The following KIF18A variants were observed in gnomAD, a reference collection of about 807,000 sequenced individuals.
KIF18A encodes the protein kinesin-like protein KIF18A.
Under a neutral mutation model 103.3 loss-of-function variants are expected in KIF18A, and 67 were observed. That is an observed-to-expected ratio of 0.65 (90% confidence interval 0.53 to 0.79). The LOEUF (loss-of-function observed/expected upper bound fraction) is 0.79. Ranked by LOEUF, KIF18A falls within the 30% of genes least tolerant of loss-of-function variation. KIF18A has a pLI of 0.00. For synonymous variants in KIF18A, 367 were observed against 355.5 expected (o/e 1.03, Z -0.36); for missense variants, 1,032 against 1,062.5 (o/e 0.97, Z 0.40).
chr11:28,071,060 C>A (rs747284621), intron 10 of KIF18A, among the ~76,000 whole-genome samples: 2 of 151,992 alleles, frequency 1.3e-5, no homozygotes, highest in African/African-American at 2.4e-5. Flanking sequence ...CAAAGTGAGA[C>A]CCTGACAGCA....
At chr11:28,027,362 T>C (rs937183914) in intron 15 of KIF18A, among the ~76,000 whole-genome samples, 1 of 151,904 alleles carries the variant, frequency 6.6e-6, no homozygotes, top group African/African-American at 2.4e-5. Flanking sequence ...TAGTTTTTAG[T>C]TGTTTTACTA....
chr11:28,100,639 G>C lies in KIF18A; in HGVS notation c.-46-2646C>G, dbSNP rs116236650. The stretch of plus-strand genomic sequence containing the variant: ...AATAGCAATATTCAAGCTGAAATAT[G>C]TCACAAAACCACTTAGCCATATACT... On this transcript the variant is annotated intron_variant, in intron 1 of 16. Transcript: ENST00000263181. Among the ~76,000 whole-genome samples the C allele has an allele frequency of 2.6e-3, 393 of 151,914 alleles. 4 individuals carry two copies. Among genetic ancestry groups the C allele is most frequent in the African/African-American group, 8.7e-3 (361 of 41,422 alleles).
chr11:28,091,052 C>G (rs1851293423), intron 4 of KIF18A, among the ~76,000 whole-genome samples: 1 of 151,710 alleles, frequency 6.6e-6, no homozygotes, highest in Admixed American at 6.6e-5. Context: ...TTGAGACCAG[C>G]CTGAATAACA....
chr11:28,040,876 T>C (rs7945678), intron 13 of KIF18A, among the ~76,000 whole-genome samples: 13,295 of 151,806 alleles, frequency 0.088, 1,032 homozygotes, highest in East Asian at 0.36. Context: ...TTACCTTGAA[T>C]GATTATGACC....
At chr11:28,048,299 AAAAT>A (rs1227202117) in intron 13 of KIF18A, among the ~76,000 whole-genome samples, 3 of 152,162 alleles carry the variant, frequency 2.0e-5, no homozygotes, top group Non-Finnish European at 4.4e-5. Context: ...GGCAAGTTGC[AAAAT>A]AAATACACAT....
At position 28,097,869 on chromosome 11, in the gene KIF18A, C is replaced by T. The variant is rs1851395678; in HGVS notation, c.79G>A (p.Ala27Thr). The change falls in exon 2 of 17, where the codon GCA (alanine) becomes ACA (threonine). Residue 27 changes from alanine to threonine, a missense_variant. Transcript: ENST00000263181. ...TGAACCACTTTATGAAATCCAGCTGCTTTTTCTTTAGTGTTTTCCGGACGT... is the reference window on the plus strand; with the variant it reads ...TGAACCACTTTATGAAATCCAGCTGTTTTTTCTTTAGTGTTTTCCGGACGT... ...RVRPENTKEK[A>T]AGFHKVVHVV... The T allele has an allele frequency of 6.2e-7, 1 of 1,611,318 alleles. No homozygotes were observed. The highest frequency in any genetic ancestry group is 1.1e-5 in the South Asian group (1 of 90,142).
At chr11:28,052,091 A>G (rs1358457051) in intron 13 of KIF18A, among the ~76,000 whole-genome samples, 1 of 152,074 alleles carries the variant, frequency 6.6e-6, no homozygotes, top group Admixed American at 6.6e-5. Context: ...AACATTTTAG[A>G]ATCTGACCAC....
chr11:28,099,420 C>T (rs912184425), intron 1 of KIF18A, among the ~76,000 whole-genome samples: 19 of 151,966 alleles, frequency 1.3e-4, no homozygotes, highest in Admixed American at 1.2e-3. Context: ...TATTGCACAG[C>T]AAGGTGACCA....
chr11:28,061,654 C>CT (rs1180084801), intron 12 of KIF18A, among the ~76,000 whole-genome samples: 2 of 151,748 alleles, frequency 1.3e-5, no homozygotes, highest in African/African-American at 4.8e-5. Context: ...TTTCATTTTT[C>CT]TTTTTTAAAA....
chr11:28,040,844 T>C (rs1000611875), intron 13 of KIF18A, among the ~76,000 whole-genome samples: 1 of 151,776 alleles, frequency 6.6e-6, no homozygotes, highest in Non-Finnish European at 1.5e-5. Context: ...CCTCAACATA[T>C]TGTAAGTGTG....
At chr11:28,090,858 TACTA>T (rs1172789982) in intron 4 of KIF18A, 131 bp from the exon 5 acceptor site, 2 of 604,362 alleles carry the variant, frequency 3.3e-6, no homozygotes, top group Non-Finnish European at 5.8e-6. Context: ...TCCTATTAAA[TACTA>T]ACTTTGTCTC....
intron 13 of KIF18A, among the ~76,000 whole-genome samples, chr11:28,053,738 T>G (rs1850741967): frequency 6.6e-6 from 1 of 151,910 alleles, no homozygotes; most frequent in East Asian, 1.9e-4. Context: ...TTTAAAATAA[T>G]CTAGTGTAAG....
chr11:28,088,399 C>T, intron 6 of KIF18A, 125 bp downstream of exon 6: 1 of 745,762 alleles, frequency 1.3e-6, no homozygotes, highest in Non-Finnish European at 2.2e-6. Flanking sequence ...TATATATTAA[C>T]ATTACTGATA....
At chr11:28,083,050 G>T in intron 8 of KIF18A, 82 bp from the exon 9 acceptor site, 3 of 1,449,970 alleles carry the variant, frequency 2.1e-6, no homozygotes, top group South Asian at 1.3e-5. Context: ...AAAAATAACT[G>T]AATTAACCAG....
chr11:28,097,699 C>T lies in KIF18A; in HGVS notation c.249G>A (p.Thr83=), dbSNP rs150402935. ...KFVFDAVFDE[T]STQSEVFEHT... ...GTTCAAAAACTTCTGACTGAGTTGA[C>T]GTTTCATCAAAAACAGCATCAAATA... is the stretch of plus-strand genomic sequence containing the variant. The change falls in exon 2 of 17, where the codon ACG becomes ACA. Residue 83 remains threonine (T), a synonymous_variant. Transcript: ENST00000263181. The T allele has an allele frequency of 6.0e-5, 97 of 1,610,892 alleles. No homozygotes were observed. The highest frequency in any genetic ancestry group is 1.9e-4 in the South Asian group (17 of 90,920).
intron 3 of KIF18A, among the ~76,000 whole-genome samples, chr11:28,093,589 CAA>C (rs1565090626): frequency 6.6e-6 from 1 of 152,042 alleles, no homozygotes; most frequent in East Asian, 1.9e-4. Context: ...CAAAAGGACA[CAA>C]GAGACAACAT....
intron 13 of KIF18A, among the ~76,000 whole-genome samples, chr11:28,052,505 AG>A (rs1416301124): frequency 6.6e-6 from 1 of 152,036 alleles, no homozygotes; most frequent in African/African-American, 2.4e-5. Flanking sequence ...TACCTAAAAA[AG>A]TTTCTTCTCC....
chr11:28,081,694 A>C (rs555547774), intron 9 of KIF18A, among the ~76,000 whole-genome samples: 2 of 152,192 alleles, frequency 1.3e-5, no homozygotes, highest in Admixed American at 1.3e-4. Context: ...TCTGCAGCTC[A>C]TGGATCATGC....
At chr11:28,032,258 G>A (rs540046349) in intron 15 of KIF18A, among the ~76,000 whole-genome samples, 1 of 152,002 alleles carries the variant, frequency 6.6e-6, no homozygotes, top group South Asian at 2.1e-4. Flanking sequence ...TTCATGGATT[G>A]GAAGAATCAA....
Sources: gnomAD v4.1 joint callset for allele counts (sites outside exome capture counted in the v4.1 genomes callset) on GRCh38, gnomAD v4.1.1 for gene constraint, MANE v1.5 for transcripts, NCBI Gene and HGNC (gene_info 2026-07-23, HGNC 2026-07-21) for gene names.